Variants in WDR49 observed in about 807,000 individuals in gnomAD.
WDR49 encodes WD repeat domain 49.
In WDR49, 107 loss-of-function variants were observed where a neutral mutation model predicts 119.5. The observed-to-expected ratio is 0.90, with a 90% CI of 0.77 to 1.05. The LOEUF (loss-of-function observed/expected upper bound fraction) is 1.05. WDR49 is among the 50% of genes least tolerant of loss of function. The pLI is 0.00. For missense variants in WDR49, 1,240 were observed against 1,220.5 expected, an observed-to-expected ratio of 1.02 and a Z score of -0.24; for synonymous variants, 425 against 418.8, an observed-to-expected ratio of 1.01 and a Z score of -0.18.
At chr3:167,480,697 C>A (rs1360465175) in intron 18 of WDR49, among the ~76,000 whole-genome samples, 2 of 151,998 alleles carry the variant, frequency 1.3e-5, no homozygotes, top group Non-Finnish European at 2.9e-5. Context: ...TATAAAGAAG[C>A]AAAACAGCTG....
intron 18 of WDR49, among the ~76,000 whole-genome samples, chr3:167,496,356 A>G (rs796373806): frequency 6.6e-6 from 1 of 152,060 alleles, no homozygotes; most frequent in South Asian, 2.1e-4. Context: ...TGCTCCTTCT[A>G]GAACCCAGCC....
chr3:167,574,993 A>AT lies in WDR49; in HGVS notation c.1509+924dup, dbSNP rs577019963. 1.1e-4 allele frequency: 101 copies of AT among 901,856 alleles called. No homozygotes were observed. In the East Asian group the frequency reaches 2.9e-3, roughly 26 times the overall value. 55.9% of individuals were successfully genotyped at this position (901,856 alleles called of 1,614,324 possible). Reference sequence around the variant, plus strand: ...TAAATAGTGACACGACACACTACCCATTACTAACAAAGGGCTTTCCACCCC... The same window carrying AT: ...TAAATAGTGACACGACACACTACCCATTTACTAACAAAGGGCTTTCCACCCC... On this transcript the variant is annotated intron_variant, in intron 8 of 18. Transcript: ENST00000682715.
At chr3:167,570,625 CTT>C (rs1280527646) in intron 8 of WDR49, among the ~76,000 whole-genome samples, 1 of 152,086 alleles carries the variant, frequency 6.6e-6, no homozygotes, top group Non-Finnish European at 1.5e-5. Flanking sequence ...TAGATAATAA[CTT>C]TGTACAGATG....
chr3:167,583,836 G>T (rs545453384), intron 7 of WDR49, among the ~76,000 whole-genome samples: 84 of 152,174 alleles, frequency 5.5e-4, no homozygotes, highest in African/African-American at 2.0e-3. Flanking sequence ...ATCTTCTCTG[G>T]AAGAAAGCAT....
Position 167,478,808 on chromosome 3 carries a change from A to C in WDR49, c.*70T>G. The C allele has an allele frequency of 1.9e-6, 2 of 1,060,822 alleles. No homozygotes were observed. The highest frequency in any genetic ancestry group is 2.7e-6 in the Non-Finnish European group (2 of 732,362). 65.7% of individuals were successfully genotyped at this position (1,060,822 alleles called of 1,614,324 possible). On this transcript the variant is annotated 3_prime_UTR_variant, in exon 19 of 19. Transcript: ENST00000682715. ...TTAAATATAAAATAAAATAAAAGGC[A>C]GAATTCTTGATGCTTTTTCTGCATT...
chr3:167,549,733 A>G (rs1360828848), intron 10 of WDR49, among the ~76,000 whole-genome samples: 3 of 152,120 alleles, frequency 2.0e-5, no homozygotes, highest in East Asian at 3.9e-4. Flanking sequence ...TTTTGTTGCC[A>G]TTGCTTTTGG....
intron 5 of WDR49, among the ~76,000 whole-genome samples, chr3:167,617,459 G>A (rs1485763492): frequency 6.6e-6 from 1 of 152,234 alleles, no homozygotes; most frequent in Non-Finnish European, 1.5e-5. Flanking sequence ...CTGGGAGGTA[G>A]ATGTTGCAGT....
intron 8 of WDR49, among the ~76,000 whole-genome samples, chr3:167,572,856 C>T (rs6764809): frequency 0.042 from 6,356 of 152,100 alleles, 460 homozygotes; most frequent in African/African-American, 0.15. Context: ...GTTTACAAGA[C>T]GAAACTGCAA....
At chr3:167,633,671 T>C in intron 2 of WDR49, 1 of 355,896 alleles carries the variant, frequency 2.8e-6, no homozygotes, top group South Asian at 2.1e-5. Flanking sequence ...GGCGAAATAA[T>C]TTACCATTGA....
chr3:167,528,944 T>C (rs2108239851), intron 14 of WDR49, 108 bp downstream of exon 14: 1 of 807,632 alleles, frequency 1.2e-6, no homozygotes, highest in East Asian at 2.9e-5. Flanking sequence ...ACTTAGACTA[T>C]ACATTTTTTC....
In WDR49 at chr3:167,536,899, G is replaced by C; in HGVS notation, c.1925C>G (p.Ala642Gly). Residue 642 changes from alanine (A) to glycine (G), a missense_variant, in exon 11 of 19, where the codon GCG becomes GGG. Transcript: ENST00000682715. ...IQHHDDILCA[A>G]FLPPQTLVTG... ...AACAAGAGTTTGTGGAGGTAAAAAC[G>C]CAGCACACAAGATGTCATCATGGTG... 2 of 1,516,642 alleles carry C rather than the reference G, an allele frequency of 1.3e-6. 1 individual carries two copies. The highest frequency in any genetic ancestry group is 3.5e-4 in the Middle Eastern group (2 of 5,738). 93.9% of individuals were successfully genotyped at this position (1,516,642 alleles called of 1,614,324 possible). A position where few individuals can be genotyped will look rare whatever the true frequency, so the allele number is the denominator to read the frequency against.
intron 8 of WDR49, among the ~76,000 whole-genome samples, chr3:167,574,915 T>C (rs1714150539): frequency 6.6e-6 from 1 of 152,176 alleles, no homozygotes; most frequent in Non-Finnish European, 1.5e-5. Context: ...GAATTCAAAA[T>C]GAGTTGTTTT....
intron 10 of WDR49, among the ~76,000 whole-genome samples, chr3:167,547,873 G>T (rs568185303): frequency 7.9e-5 from 12 of 151,968 alleles, no homozygotes; most frequent in Non-Finnish European, 1.3e-4. Context: ...CAGCCTTGCT[G>T]TTCACTTACA....
intron 5 of WDR49, among the ~76,000 whole-genome samples, chr3:167,605,229 A>G (rs995253084): frequency 3.0e-4 from 45 of 152,230 alleles, no homozygotes; most frequent in Middle Eastern, 3.4e-3. Flanking sequence ...GATCTATTCA[A>G]TTGGGCTGTT....
chr3:167,542,804 TG>T (rs1268320296), intron 10 of WDR49, among the ~76,000 whole-genome samples: 3 of 151,094 alleles, frequency 2.0e-5, no homozygotes, highest in Non-Finnish European at 4.4e-5. Flanking sequence ...CAAAAATAAA[TG>T]AAATGGAAAC....
chr3:167,653,181 A>G, intron 2 of WDR49, 80 bp downstream of exon 2: 1 of 1,459,550 alleles, frequency 6.9e-7, no homozygotes, highest in Non-Finnish European at 9.2e-7. Flanking sequence ...TTTAATGCTT[A>G]AAGAAAAATA....
chr3:167,557,936 G>C (rs189673571), intron 9 of WDR49, among the ~76,000 whole-genome samples: 1 of 152,026 alleles, frequency 6.6e-6, no homozygotes, highest in Admixed American at 6.6e-5. Context: ...ATGCAGAACA[G>C]CATGTATAGT....
chr3:167,525,515 T>C (rs943749803), intron 15 of WDR49, among the ~76,000 whole-genome samples: 2 of 152,088 alleles, frequency 1.3e-5, no homozygotes, highest in African/African-American at 4.8e-5. Context: ...ATTCACTGGA[T>C]GAAGAGACAC....
chr3:167,638,574 G>A (rs1308334809), intron 2 of WDR49, among the ~76,000 whole-genome samples: 4 of 151,474 alleles, frequency 2.6e-5, no homozygotes, highest in Non-Finnish European at 5.9e-5. Context: ...ACGTCTCCTG[G>A]AGCAGAAGAT....
Sources: gnomAD v4.1 joint callset for allele counts (sites outside exome capture counted in the v4.1 genomes callset) on GRCh38, gnomAD v4.1.1 for gene constraint, MANE v1.5 for transcripts, NCBI Gene and HGNC (gene_info 2026-07-23, HGNC 2026-07-21) for gene names.